Variants in MYO5C observed in about 807,000 individuals in gnomAD.
MYO5C encodes unconventional myosin-Vc.
A neutral mutation model predicts 235.7 loss-of-function variants in MYO5C; 194 were observed. The observed-to-expected ratio is 0.82, with a 90% CI of 0.73 to 0.93. The LOEUF is 0.93. Among genes scored for constraint, MYO5C ranks in the 40% least tolerant of loss-of-function variants. The pLI is 0.00. For synonymous variants in MYO5C, 707 were observed against 754.8 expected, an observed-to-expected ratio of 0.94 and a Z score of 1.04; for missense variants, 2,038 against 2,127.2, an observed-to-expected ratio of 0.96 and a Z score of 0.82.
intron 38 of MYO5C, 45 bp downstream of exon 38, chr15:52,204,820 C>T: frequency 1.9e-6 from 3 of 1,593,478 alleles, no homozygotes; most frequent in Non-Finnish European, 2.6e-6. Context: ...CAAGAGCATC[C>T]TTTCTGCAGG....
rs755435374 is a variant in MYO5C, at chr15:52,245,988, C to A, written c.2034G>T (p.Thr678=). ...GGTAGCTCTGTGCACTAATGCGAAT[C>A]GTTTCTAAAACGCCGCAGGCTCGCA... ...QQLRACGVLE[T]IRISAQSYPS... is the part of the protein sequence containing the mutation. The change falls in exon 17 of 41, where the codon ACG becomes ACT. Residue 678 remains threonine, a synonymous_variant. Coordinates refer to ENST00000261839, the MANE Select transcript of MYO5C (RefSeq NM_018728.4). The A allele has an allele frequency of 1.2e-6, 2 of 1,614,160 alleles. No individual in the cohort carries two copies. Among genetic ancestry groups the A allele is most frequent in the Admixed American group, 3.3e-5 (2 of 60,024 alleles).
At chr15:52,254,883 A>G (rs1478665054) in intron 11 of MYO5C, among the ~76,000 whole-genome samples, 1 of 152,120 alleles carries the variant, frequency 6.6e-6, no homozygotes, top group Non-Finnish European at 1.5e-5. Flanking sequence ...TATACTGAAT[A>G]TGCACTTGGA....
At chr15:52,244,953 A>C (rs905986154) in intron 18 of MYO5C, among the ~76,000 whole-genome samples, 2 of 152,194 alleles carry the variant, frequency 1.3e-5, no homozygotes, top group Non-Finnish European at 2.9e-5. Flanking sequence ...GCTGGACCTT[A>C]TAACTCCCCA....
At chr15:52,271,888 C>T in intron 6 of MYO5C, 44 bp from the exon 7 acceptor site, 1 of 1,363,196 alleles carries the variant, frequency 7.3e-7, no homozygotes, top group African/African-American at 1.5e-5. Context: ...CAAATCCTTA[C>T]AAGCAAAAAT....
intron 4 of MYO5C, among the ~76,000 whole-genome samples, chr15:52,277,445 G>A (rs2037077866): frequency 6.6e-6 from 1 of 152,102 alleles, no homozygotes; most frequent in South Asian, 2.1e-4. Context: ...TCTTGGTGCA[G>A]CGGAAGCTGC....
At position 52,196,491 on chromosome 15, in the gene MYO5C, G is replaced by A; in HGVS notation, c.4821-8C>T. 1 of 1,610,548 alleles carries A rather than the reference G, an allele frequency of 6.2e-7. No individual in the cohort carries two copies. Among genetic ancestry groups the A allele is most frequent in the African/African-American group, 1.3e-5 (1 of 74,854 alleles). On this transcript the variant is annotated splice_region_variant and splice_polypyrimidine_tract_variant and intron_variant, in intron 38 of 40. Transcript: ENST00000261839. ...AAGTAGCTGATATTGCACCTGGAGGGAAAGGCAGAAGAACAGAGAATACTT... is the reference window on the plus strand; with the variant it reads ...AAGTAGCTGATATTGCACCTGGAGGAAAAGGCAGAAGAACAGAGAATACTT...
Position 52,253,367 on chromosome 15 carries a change from G to C in MYO5C, c.1486C>G (p.Leu496Val), listed in dbSNP as rs1317677562. 1 of 1,613,604 alleles carries C rather than the reference G, an allele frequency of 6.2e-7. No homozygotes were observed. Among genetic ancestry groups the C allele is most frequent in the South Asian group, 1.1e-5 (1 of 90,996 alleles). Residue 496 changes from leucine to valine, a missense_variant, in exon 12 of 41, where the codon CTG becomes GTG. Leu to Val is a conservative substitution (Grantham distance 32). Transcript: ENST00000261839. ...AGAATTCCCATTTTTGCTTCAATCA[G>C]GTCAATAACTGGTTGATTGTCATAA... Reference protein sequence around the residue: ...DFYDNQPVIDLIEAKMGILEL... With the variant: ...DFYDNQPVIDVIEAKMGILEL...
At position 52,260,895 on chromosome 15, in the gene MYO5C, T is replaced by C; in HGVS notation, c.1280A>G (p.Gln427Arg). Reference protein sequence around the residue: ...INQALQFSGKQHTFIGVLDIY... With the variant: ...INQALQFSGKRHTFIGVLDIY... ...GTCCAAAACACCAATAAAAGTGTGC[T>C]GCTTGCCTGAAAACTGCAACGCTTG... The change falls in exon 10 of 41, where the codon CAG (glutamine) becomes CGG (arginine). Residue 427 changes from glutamine to arginine, a missense_variant. Gln to Arg is a conservative substitution (Grantham distance 43). Transcript: ENST00000261839. 5.0e-6 allele frequency: 8 copies of C among 1,614,246 alleles called. No individual in the cohort carries two copies. The highest frequency in any genetic ancestry group is 6.8e-6 in the Non-Finnish European group (8 of 1,180,048).
intron 23 of MYO5C, among the ~76,000 whole-genome samples, chr15:52,234,711 G>A (rs761992699): frequency 1.3e-4 from 20 of 152,138 alleles, no homozygotes; most frequent in Non-Finnish European, 2.6e-4. Flanking sequence ...CCTGCTCCTC[G>A]TCAGCACCTG....
Position 52,244,387 on chromosome 15 carries a change from G to A in MYO5C, c.2359C>T (p.Gln787Ter). ...LRERRAALIIQQYFRGQQTVR... is the reference protein window; with the variant it reads ...LRERRAALII ...GTTTGCTGACCCCGGAAGTACTGCT[G>A]GATTATCAGGGCGGCTCGTCTCTCT... is the stretch of plus-strand genomic sequence containing the variant. The change falls in exon 19 of 41, where the codon CAG becomes TAG. Residue 787 changes from glutamine to a stop codon, truncating the protein, a stop_gained. Coordinates refer to ENST00000261839, the MANE Select transcript of MYO5C (RefSeq NM_018728.4). LOFTEE classifies it high-confidence loss of function. 1 of 1,613,742 alleles carries A rather than the reference G, an allele frequency of 6.2e-7. No homozygotes were observed.
chr15:52,206,329 T>C (rs1240985737), intron 36 of MYO5C, among the ~76,000 whole-genome samples: 2 of 152,220 alleles, frequency 1.3e-5, no homozygotes, highest in African/African-American at 4.8e-5. Context: ...ATAAATGAGA[T>C]TCATAACCTT....
chr15:52,194,248 A>T (rs1046525791), intron 40 of MYO5C, among the ~76,000 whole-genome samples, 194 bp from the exon 41 acceptor site: 1 of 152,254 alleles, frequency 6.6e-6, no homozygotes, highest in Non-Finnish European at 1.5e-5. Context: ...ATCAGCTCTC[A>T]GAACAATTAA....
At chr15:52,212,523 G>A (rs1046736485) in intron 34 of MYO5C, among the ~76,000 whole-genome samples, 8 of 152,206 alleles carry the variant, frequency 5.3e-5, no homozygotes, top group Admixed American at 2.6e-4. Context: ...GGGGTCACTC[G>A]CAGAAGAGGA....
chr15:52,212,031 T>A, intron 34 of MYO5C, 147 bp from the exon 35 acceptor site: 1 of 705,954 alleles, frequency 1.4e-6, no homozygotes, highest in Non-Finnish European at 2.2e-6. Flanking sequence ...TTTGAGGAAT[T>A]CCATCTGGCT....
intron 20 of MYO5C, among the ~76,000 whole-genome samples, chr15:52,240,539 A>AT (rs2036190630): frequency 1.3e-5 from 1 of 78,176 alleles, no homozygotes; most frequent in Non-Finnish European, 4.1e-5. Context: ...CTCATTCTCT[A>AT]CAAAAAAAGA....
intron 10 of MYO5C, among the ~76,000 whole-genome samples, chr15:52,257,216 T>C (rs962991882): frequency 6.6e-6 from 1 of 152,206 alleles, no homozygotes; most frequent in Non-Finnish European, 1.5e-5. Flanking sequence ...CAATTTTGCC[T>C]CCCTAAGGGG....
intron 1 of MYO5C, among the ~76,000 whole-genome samples, chr15:52,289,589 GGCCATAAGTCA>G (rs2037345519): frequency 6.6e-6 from 1 of 150,986 alleles, no homozygotes; most frequent in Admixed American, 6.6e-5. Context: ...CCCTTGCCAT[GGCCATAAGTCA>G]GCCCCCAACC....
intron 2 of MYO5C, among the ~76,000 whole-genome samples, chr15:52,282,433 TCTCTGGGCTGAGA>T (rs1322093646): frequency 1.3e-5 from 2 of 152,220 alleles, no homozygotes; most frequent in African/African-American, 4.8e-5. Flanking sequence ...CTCTGCCCAA[TCTCTGGGCTGAGA>T]CTCAGGAAGC....
chr15:52,240,539 A>AC (rs1566975231), intron 20 of MYO5C, among the ~76,000 whole-genome samples: 4 of 78,176 alleles, frequency 5.1e-5, no homozygotes, highest in Admixed American at 1.3e-4. Context: ...CTCATTCTCT[A>AC]CAAAAAAAGA....
Sources: gnomAD v4.1 joint callset for allele counts (sites outside exome capture counted in the v4.1 genomes callset) on GRCh38, gnomAD v4.1.1 for gene constraint, MANE v1.5 for transcripts, NCBI Gene and HGNC (gene_info 2026-07-23, HGNC 2026-07-21) for gene names.